The following PLCXD3 variants were observed in gnomAD, a reference collection of about 807,000 sequenced individuals.
PLCXD3 encodes PI-PLC X domain-containing protein 3.
Under a neutral mutation model 25.5 loss-of-function variants are expected in PLCXD3, and 19 were observed. That is an observed-to-expected ratio of 0.75 (90% CI 0.52 to 1.09). The LOEUF is 1.09. PLCXD3 is among the 50% of genes least tolerant of loss of function. The probability of loss-of-function intolerance (pLI) is 0.00; values close to 1 mark genes in which losing one functional copy is unlikely to be tolerated. For synonymous variants in PLCXD3, 174 were observed against 137.6 expected, an observed-to-expected ratio of 1.26 and a Z score of -1.85; for missense variants, 411 against 388.1, an observed-to-expected ratio of 1.06 and a Z score of -0.50.
chr5:41,313,892 G>A, intron 2 of PLCXD3, 122 bp from the exon 3 acceptor site: 1 of 1,230,176 alleles, frequency 8.1e-7, no homozygotes, highest in Non-Finnish European at 1.1e-6. Flanking sequence ...TATAGGTACA[G>A]GAAGGGGAAA....
At chr5:41,474,365 G>A (rs1316725449) in intron 1 of PLCXD3, among the ~76,000 whole-genome samples, 4 of 152,198 alleles carry the variant, frequency 2.6e-5, no homozygotes, top group African/African-American at 9.7e-5. Flanking sequence ...GGCAGACACA[G>A]TTTGTCAGTT....
chr5:41,338,093 C>T (rs1459032272), intron 2 of PLCXD3, among the ~76,000 whole-genome samples: 1 of 152,080 alleles, frequency 6.6e-6, no homozygotes, highest in Non-Finnish European at 1.5e-5. Flanking sequence ...ATATTTCCTC[C>T]TTGCCATGTT....
intron 1 of PLCXD3, among the ~76,000 whole-genome samples, chr5:41,501,097 C>A (rs1748941046): frequency 6.6e-6 from 1 of 151,950 alleles, no homozygotes; most frequent in Non-Finnish European, 1.5e-5. Context: ...TTCTTGTACA[C>A]TGTTGGTGGA....
chr5:41,337,706 C>G (rs1374129778), intron 2 of PLCXD3, among the ~76,000 whole-genome samples: 1 of 152,108 alleles, frequency 6.6e-6, no homozygotes, highest in Admixed American at 6.6e-5. Context: ...TTTTTTTCCC[C>G]TTTAATCAGT....
At chr5:41,440,860 C>T (rs916978685) in intron 1 of PLCXD3, among the ~76,000 whole-genome samples, 1 of 152,142 alleles carries the variant, frequency 6.6e-6, no homozygotes, top group Non-Finnish European at 1.5e-5. Context: ...TTTATTTCAA[C>T]AAGTGCAGTT....
intron 1 of PLCXD3, among the ~76,000 whole-genome samples, chr5:41,470,234 T>C (rs1351446888): frequency 6.6e-6 from 1 of 152,122 alleles, no homozygotes; most frequent in East Asian, 1.9e-4. Flanking sequence ...GATACATCAA[T>C]GAATATCTGA....
chr5:41,488,145 A>G lies in PLCXD3; in HGVS notation c.103+22279T>C, dbSNP rs1427405253. Among the ~76,000 whole-genome samples the G allele has an allele frequency of 2.7e-5, 4 of 147,480 alleles. 1 individual carries two copies. The highest frequency in any genetic ancestry group is 2.0e-4 in the East Asian group (1 of 4,884). ...TGTGTCCATGTGTTCTCATTGTTCA[A>G]TTCCCACCTATGAGTGAGAATATGC... On this transcript the variant is annotated intron_variant, in intron 1 of 2. Coordinates refer to ENST00000377801, the MANE Select transcript of PLCXD3 (RefSeq NM_001005473.3).
chr5:41,434,516 C>G (rs559245453), intron 1 of PLCXD3, among the ~76,000 whole-genome samples: 72 of 152,282 alleles, frequency 4.7e-4, no homozygotes, highest in Non-Finnish European at 6.0e-4. Flanking sequence ...TACTCACACC[C>G]CCAGGTACTT....
chr5:41,497,811 T>G (rs1561291206), intron 1 of PLCXD3, among the ~76,000 whole-genome samples: 1 of 151,948 alleles, frequency 6.6e-6, no homozygotes, highest in Admixed American at 6.6e-5. Context: ...TTTAAGAGTA[T>G]TGAAATTATA....
chr5:41,382,661 T>G, intron 1 of PLCXD3, 127 bp from the exon 2 acceptor site: 1 of 720,474 alleles, frequency 1.4e-6, no homozygotes, highest in South Asian at 2.3e-5. Context: ...AATGTAATAC[T>G]AGTTATTTTT....
intron 1 of PLCXD3, among the ~76,000 whole-genome samples, chr5:41,408,252 C>T (rs1009014249): frequency 6.6e-6 from 1 of 152,196 alleles, no homozygotes; most frequent in Non-Finnish European, 1.5e-5. Context: ...CAATGCTGCT[C>T]TTTCAAGGCC....
At chr5:41,507,376 ATG>A (rs1305243979) in intron 1 of PLCXD3, among the ~76,000 whole-genome samples, 12 of 152,238 alleles carry the variant, frequency 7.9e-5, no homozygotes, top group African/African-American at 2.7e-4. Context: ...GTAACTGTCA[ATG>A]TGTTCTGGCT....
chr5:41,352,220 C>A (rs1744482988), intron 2 of PLCXD3, among the ~76,000 whole-genome samples: 1 of 152,152 alleles, frequency 6.6e-6, no homozygotes, highest in South Asian at 2.1e-4. Context: ...CGGCCCTCCC[C>A]CATATGAGTT....
At chr5:41,456,591 C>G in intron 1 of PLCXD3, 1 of 879,258 alleles carries the variant, frequency 1.1e-6, no homozygotes, top group Non-Finnish European at 1.4e-6. Flanking sequence ...TCCCCCCTGA[C>G]ACTCCAAATT....
At chr5:41,346,639 G>T (rs759093204) in intron 2 of PLCXD3, among the ~76,000 whole-genome samples, 2 of 152,054 alleles carry the variant, frequency 1.3e-5, no homozygotes, top group African/African-American at 2.4e-5. Flanking sequence ...TAAGTGTAAA[G>T]TTCAGAGGGA....
intron 2 of PLCXD3, among the ~76,000 whole-genome samples, chr5:41,327,246 G>A (rs1743656888): frequency 6.6e-6 from 1 of 152,174 alleles, no homozygotes; most frequent in African/African-American, 2.4e-5. Context: ...CAGGGGCCCT[G>A]GAGGTGTGGG....
intron 1 of PLCXD3, among the ~76,000 whole-genome samples, chr5:41,386,725 G>A (rs1431468882): frequency 6.6e-6 from 1 of 152,182 alleles, no homozygotes; most frequent in Middle Eastern, 3.4e-3. Flanking sequence ...GGCAATGGAA[G>A]TCATTAATAG....
chr5:41,476,906 ACATGGTGCT>A (rs1554052609), intron 1 of PLCXD3, among the ~76,000 whole-genome samples: 1 of 152,230 alleles, frequency 6.6e-6, no homozygotes, highest in Non-Finnish European at 1.5e-5. Context: ...TTCTGGAGAG[ACATGGTGCT>A]TAACACCTTA....
chr5:41,488,060 C>CTCCCCCA (rs1748560450), intron 1 of PLCXD3, among the ~76,000 whole-genome samples: 2 of 110,946 alleles, frequency 1.8e-5, no homozygotes, highest in Admixed American at 2.0e-4. Flanking sequence ...AAAGCTATCC[C>CTCCCCCA]TCCCCCCTCC....
Sources: gnomAD v4.1 joint callset for allele counts (sites outside exome capture counted in the v4.1 genomes callset) on GRCh38, gnomAD v4.1.1 for gene constraint, MANE v1.5 for transcripts, NCBI Gene and HGNC (gene_info 2026-07-23, HGNC 2026-07-21) for gene names.